The following DNMT3A variants were observed in gnomAD, a reference collection of about 807,000 sequenced individuals.
DNMT3A encodes DNA (cytosine-5)-methyltransferase 3A.
In DNMT3A, 267 loss-of-function variants were observed where a neutral mutation model predicts 117.6. That is an observed-to-expected ratio of 2.27 (90% confidence interval 2.05 to 2.51). DNMT3A has a LOEUF of 2.51. Among genes scored for constraint, DNMT3A ranks in the 30% most tolerant of loss-of-function variants. The probability of loss-of-function intolerance (pLI) is 0.00; values close to 1 mark genes in which losing one functional copy is unlikely to be tolerated. For missense variants in DNMT3A, 1,029 were observed against 1,260.2 expected, an observed-to-expected ratio of 0.82 and a Z score of 2.78; for synonymous variants, 432 against 474.8, an observed-to-expected ratio of 0.91 and a Z score of 1.17.
chr2:25,247,048 C>T lies in DNMT3A; in HGVS notation c.1122+3G>A, dbSNP rs189798836. On this transcript the variant is annotated splice_donor_region_variant and intron_variant, in intron 9 of 22. Transcript: ENST00000321117. This position sits in a 1 kb window ranked among gnomAD's most constrained non-coding sequence, Gnocchi z 5.6. Reference sequence around the variant, plus strand: ...CCTCCGAGCTCCCAGCAGGGACACTCACCTGCAGGACCTCGTAGATGGCTT... The same window carrying T: ...CCTCCGAGCTCCCAGCAGGGACACTTACCTGCAGGACCTCGTAGATGGCTT... 1.4e-5 allele frequency: 22 copies of T among 1,613,676 alleles called. No homozygotes were observed. Among genetic ancestry groups the T allele is most frequent in the Admixed American group, 3.3e-5 (2 of 59,972 alleles).
At chr2:25,287,382 G>T (rs2032389488) in intron 3 of DNMT3A, among the ~76,000 whole-genome samples, 1 of 152,078 alleles carries the variant, frequency 6.6e-6, no homozygotes, top group Non-Finnish European at 1.5e-5. Flanking sequence ...AGTACAGCTT[G>T]GTCCTATCAC....
intron 2 of DNMT3A, among the ~76,000 whole-genome samples, chr2:25,300,741 A>ATG (rs2033447548): frequency 2.2e-5 from 1 of 45,908 alleles, no homozygotes; most frequent in African/African-American, 9.4e-5. Flanking sequence ...ATATATATAT[A>ATG]TATATATATA....
At chr2:25,255,719 T>G (rs1250225955) in intron 6 of DNMT3A, among the ~76,000 whole-genome samples, 1 of 152,210 alleles carries the variant, frequency 6.6e-6, no homozygotes, top group Non-Finnish European at 1.5e-5. Flanking sequence ...AGGACAAGCA[T>G]TATGATTTGT....
chr2:25,320,712 C>T (rs1433527571), intron 1 of DNMT3A, among the ~76,000 whole-genome samples: 4 of 151,678 alleles, frequency 2.6e-5, no homozygotes, highest in East Asian at 1.9e-4. Context: ...ATAGTTTTAT[C>T]GAAATAATAA....
chr2:25,315,894 T>G (rs1474821693), intron 1 of DNMT3A, among the ~76,000 whole-genome samples: 1 of 152,098 alleles, frequency 6.6e-6, no homozygotes, highest in African/African-American at 2.4e-5. Flanking sequence ...AACAAAAACC[T>G]TCGAAAGGGT....
In DNMT3A at chr2:25,237,514, T is replaced by C. The variant is rs1400748396; in HGVS notation, c.2409-509A>G. The stretch of plus-strand genomic sequence containing the variant: ...CAGGCGCAGTGGCTCATGCCTGCAA[T>C]CCCAGCCCTTTGGAAGGCTGAGGCA... On this transcript the variant is annotated intron_variant, in intron 20 of 22. Coordinates refer to ENST00000321117, the MANE Select transcript of DNMT3A (RefSeq NM_022552.5). This position sits in a 1 kb window ranked among gnomAD's most constrained non-coding sequence, Gnocchi z 5.4. Among the ~76,000 whole-genome samples, 1 of 152,216 alleles carries C rather than the reference T, an allele frequency of 6.6e-6. No homozygotes were observed. Among genetic ancestry groups the C allele is most frequent in the Non-Finnish European group, 1.5e-5 (1 of 68,030 alleles).
In DNMT3A at chr2:25,247,611, C is replaced by A. The variant is rs760854242; in HGVS notation, c.994G>T (p.Gly332Ter). The A allele has an allele frequency of 1.9e-6, 3 of 1,614,016 alleles. No individual in the cohort carries two copies. The highest frequency in any genetic ancestry group is 2.2e-5 in the East Asian group (1 of 44,860). The change falls in exon 8 of 23, where the codon GGA becomes TGA. Residue 332 changes from glycine to a stop codon, truncating the protein, a stop_gained. Transcript: ENST00000321117. LOFTEE classifies it high-confidence loss of function. This position sits in a 1 kb window ranked among gnomAD's most constrained non-coding sequence, Gnocchi z 5.6. ...AEGTRWVMWF[G>*]DGKFSVVCVE... ...CTTACCACTGAGAATTTGCCGTCTC[C>A]GAACCACATGACCCAGCGGGTGCCT...
chr2:25,251,153 CGGG>C (rs34583441), intron 6 of DNMT3A, among the ~76,000 whole-genome samples: 29 of 58,716 alleles, frequency 4.9e-4, no homozygotes, highest in African/African-American at 1.7e-3. Flanking sequence ...AAGGAAGAAG[CGGG>C]GGGGGGGGTG....
At chr2:25,250,627 C>G (rs935533587) in intron 6 of DNMT3A, among the ~76,000 whole-genome samples, 4 of 152,180 alleles carry the variant, frequency 2.6e-5, no homozygotes, top group Non-Finnish European at 4.4e-5. Flanking sequence ...GGGTGCCTCC[C>G]TTGCTGGGAT....
intron 6 of DNMT3A, among the ~76,000 whole-genome samples, chr2:25,250,703 C>A (rs905870719): frequency 6.6e-6 from 1 of 152,254 alleles, no homozygotes; most frequent in Non-Finnish European, 1.5e-5. Flanking sequence ...GCCCACCACG[C>A]CTTCTCAAGC....
rs1327946633 is a variant in DNMT3A at position 25,236,934 on chromosome 2, A to G, written c.2478+2T>C. Reference sequence around the variant, plus strand: ...GCAGAGGTTCTAGACGCTGGAGCTGACCTTGGCTATCCTGCCATGCTCCAG... The same window carrying G: ...GCAGAGGTTCTAGACGCTGGAGCTGGCCTTGGCTATCCTGCCATGCTCCAG... On this transcript the variant is annotated splice_donor_variant, in intron 21 of 22. Coordinates refer to ENST00000321117, the MANE Select transcript of DNMT3A (RefSeq NM_022552.5). LOFTEE classifies it high-confidence loss of function. The surrounding 1 kb of genome is among the most constrained non-coding windows in gnomAD (Gnocchi z 4.5). 1 of 1,612,326 alleles carries G rather than the reference A, an allele frequency of 6.2e-7. No individual in the cohort carries two copies.
chr2:25,242,180 G>A (rs1440414063), intron 16 of DNMT3A, among the ~76,000 whole-genome samples: 2 of 151,846 alleles, frequency 1.3e-5, no homozygotes, highest in Admixed American at 6.6e-5. Flanking sequence ...CCTCCGCTAT[G>A]AGTCCCCAGC....
At chr2:25,255,579 G>A (rs77993651) in intron 6 of DNMT3A, among the ~76,000 whole-genome samples, 3,662 of 152,208 alleles carry the variant, frequency 0.024, 239 homozygotes, top group East Asian at 0.23. Context: ...GATCCCATAG[G>A]CCTCCTAAGC....
At position 25,282,150 on chromosome 2, in the gene DNMT3A, C is replaced by G. The variant is rs2031925163; in HGVS notation, c.448+291G>C. ...TTATGAAAGCCCGCTGTTGCCAGAT[C>G]TAGCTTTTTTTTTTTTCATGAGAAG... On this transcript the variant is annotated intron_variant, in intron 4 of 22. Coordinates refer to ENST00000321117, the MANE Select transcript of DNMT3A (RefSeq NM_022552.5). This position sits in a 1 kb window ranked among gnomAD's most constrained non-coding sequence, Gnocchi z 5.2. 1.7e-6 allele frequency: 2 copies of G among 1,159,734 alleles called. No individual in the cohort carries two copies. The highest frequency in any genetic ancestry group is 6.5e-5 in the East Asian group (2 of 30,970). 71.8% of individuals were successfully genotyped at this position (1,159,734 alleles called of 1,614,324 possible).
chr2:25,313,396 T>C (rs1180769748), intron 2 of DNMT3A, among the ~76,000 whole-genome samples: 2 of 152,014 alleles, frequency 1.3e-5, no homozygotes, highest in Non-Finnish European at 2.9e-5. Context: ...CTCCAAAGTG[T>C]GCTGGCGCCA....
intron 2 of DNMT3A, 50 bp downstream of exon 2, chr2:25,313,863 G>A (rs2034253283): frequency 6.5e-7 from 1 of 1,548,610 alleles, no homozygotes; most frequent in Non-Finnish European, 8.7e-7. Flanking sequence ...ATAGGGACAG[G>A]GCTCTCCCTC....
chr2:25,261,710 A>G (rs1363087021), intron 6 of DNMT3A, among the ~76,000 whole-genome samples: 3 of 152,264 alleles, frequency 2.0e-5, no homozygotes, highest in South Asian at 2.1e-4. Context: ...GTAGTCCTCT[A>G]ACTGGTTCAG....
chr2:25,304,516 A>T lies in DNMT3A; in HGVS notation c.73-4273T>A, dbSNP rs2033683322. 6.6e-6 allele frequency among the ~76,000 whole-genome samples: 1 copy of T among 152,184 alleles called. No individual in the cohort carries two copies. The highest frequency in any genetic ancestry group is 1.5e-5 in the Non-Finnish European group (1 of 68,020). ...ATGCAGCGATCCCTCACTATCACAC[A>T]GAGCCCAACATCTGGCGGGCGCTCT... is the stretch of plus-strand genomic sequence containing the variant. On this transcript the variant is annotated intron_variant, in intron 2 of 22. Transcript: ENST00000321117. The surrounding 1 kb of genome is among the most constrained non-coding windows in gnomAD (Gnocchi z 4.3).
chr2:25,339,935 C>T lies in DNMT3A; in HGVS notation c.-178+1891G>A, dbSNP rs533333939. On this transcript the variant is annotated intron_variant, in intron 1 of 22. Coordinates refer to ENST00000321117, the MANE Select transcript of DNMT3A (RefSeq NM_022552.5). This position sits in a 1 kb window ranked among gnomAD's most constrained non-coding sequence, Gnocchi z 4.9. ...ATCCCAGGATCCCTTCGTAGCCGCC[C>T]GCCCAGGAGGCGGGTTCAGCCGCTG... Among the ~76,000 whole-genome samples the T allele has an allele frequency of 2.7e-4, 3 of 10,920 alleles. No homozygotes were observed. Among genetic ancestry groups the T allele is most frequent in the South Asian group, 9.5e-3 (2 of 210 alleles). The allele number at this position is 10,920 out of a possible 152,430, so 7.2% of individuals were successfully genotyped here. A position where few individuals can be genotyped will look rare whatever the true frequency, so the allele number is the denominator to read the frequency against.
Sources: allele counts gnomAD v4.1 joint callset (sites outside exome capture counted in the v4.1 genomes callset), GRCh38; gene constraint gnomAD v4.1.1; non-coding constraint Gnocchi (gnomAD v3.1); transcripts MANE v1.5; gene names NCBI Gene and HGNC (gene_info 2026-07-23, HGNC 2026-07-21).